The following LRRC4C variants were observed in gnomAD, a reference collection of about 807,000 sequenced individuals.
LRRC4C encodes the protein leucine rich repeat containing 4C, also known as leucine-rich repeat-containing protein 4C.
Under a neutral mutation model 33.6 loss-of-function variants are expected in LRRC4C, and 5 were observed. The observed-to-expected ratio is 0.15, with a 90% confidence interval of 0.08 to 0.31. The LOEUF (loss-of-function observed/expected upper bound fraction) is 0.31. Ranked by LOEUF, LRRC4C falls within the 10% of genes least tolerant of loss-of-function variation. The pLI, the probability that LRRC4C is intolerant of heterozygous loss-of-function variation, is 1.00. For missense variants in LRRC4C, 560 were observed against 796.7 expected, an observed-to-expected ratio of 0.70 and a Z score of 3.58; for synonymous variants, 329 against 302.0, an observed-to-expected ratio of 1.09 and a Z score of -0.93.
chr11:40,430,734 G>A (rs922348347), intron 3 of LRRC4C, among the ~76,000 whole-genome samples: 3 of 151,962 alleles, frequency 2.0e-5, no homozygotes, highest in Non-Finnish European at 2.9e-5. Context: ...TAACTAATAT[G>A]TGATGTTACG....
At chr11:40,453,617 GA>G (rs149112559) in intron 3 of LRRC4C, among the ~76,000 whole-genome samples, 13 of 143,708 alleles carry the variant, frequency 9.0e-5, no homozygotes, top group Non-Finnish European at 1.4e-4. Context: ...GGCATTCTAA[GA>G]AAAAAAAAAC....
At chr11:41,327,300 G>A (rs1951152279) in intron 1 of LRRC4C, among the ~76,000 whole-genome samples, 1 of 152,156 alleles carries the variant, frequency 6.6e-6, no homozygotes, top group Non-Finnish European at 1.5e-5. Context: ...GTGAGCCTTG[G>A]AGGAGCAGCC....
chr11:40,677,006 T>C (rs1199796392), intron 2 of LRRC4C, among the ~76,000 whole-genome samples: 1 of 152,146 alleles, frequency 6.6e-6, no homozygotes, highest in Non-Finnish European at 1.5e-5. Context: ...GCAGATATGA[T>C]CATTGTGGTT....
At chr11:40,491,781 T>C (rs1446372456) in intron 3 of LRRC4C, among the ~76,000 whole-genome samples, 1 of 152,134 alleles carries the variant, frequency 6.6e-6, no homozygotes, top group Non-Finnish European at 1.5e-5. Context: ...AAACTTTACA[T>C]TTTTGTTATA....
At chr11:41,440,097 T>C (rs1955565770) in intron 1 of LRRC4C, among the ~76,000 whole-genome samples, 1 of 152,194 alleles carries the variant, frequency 6.6e-6, no homozygotes, top group Non-Finnish European at 1.5e-5. Context: ...TTTGTTTGTT[T>C]GTTTGTTTTC....
intron 6 of LRRC4C, among the ~76,000 whole-genome samples, chr11:40,131,426 C>G (rs1856636632): frequency 6.6e-6 from 1 of 152,100 alleles, no homozygotes; most frequent in African/African-American, 2.4e-5. Flanking sequence ...AAAAATCTAT[C>G]CTTAGCAGCA....
chr11:41,389,487 A>T (rs1204463263), intron 1 of LRRC4C, among the ~76,000 whole-genome samples: 1 of 151,710 alleles, frequency 6.6e-6, no homozygotes. Context: ...GGTAGGCAAG[A>T]GATATCATGA....
At chr11:40,169,378 C>T (rs1859857475) in intron 5 of LRRC4C, among the ~76,000 whole-genome samples, 1 of 151,954 alleles carries the variant, frequency 6.6e-6, no homozygotes, top group Non-Finnish European at 1.5e-5. Flanking sequence ...AAAACTCAGC[C>T]CAGGGGTTCA....
In LRRC4C at chr11:40,921,525, C is replaced by T. The variant is rs138725445; in HGVS notation, c.-407+12110G>A. Among the ~76,000 whole-genome samples the T allele has an allele frequency of 5.2e-4, 79 of 152,214 alleles. 3 individuals are homozygous for T. The South Asian group carries it at 6.2e-3, about 12-fold the overall frequency. On this transcript the variant is annotated intron_variant, in intron 2 of 6. Transcript: ENST00000528697. ...AGATCACCAAGAAGAGAATGCAGTCCTCTTGACATCTTCAGTTTAGCTCAG... is the reference window on the plus strand; with the variant it reads ...AGATCACCAAGAAGAGAATGCAGTCTTCTTGACATCTTCAGTTTAGCTCAG...
intron 3 of LRRC4C, among the ~76,000 whole-genome samples, chr11:40,554,173 C>T (rs1957239377): frequency 6.6e-6 from 1 of 152,058 alleles, no homozygotes; most frequent in Non-Finnish European, 1.5e-5. Context: ...GCCAGTTTTC[C>T]CAGCACCACC....
chr11:41,296,697 C>A (rs1950154038), intron 1 of LRRC4C, among the ~76,000 whole-genome samples: 1 of 152,110 alleles, frequency 6.6e-6, no homozygotes, highest in Non-Finnish European at 1.5e-5. Flanking sequence ...AGCCAAGAAA[C>A]TAAAGAAAGT....
At chr11:40,450,620 C>CT (rs1951839934) in intron 3 of LRRC4C, among the ~76,000 whole-genome samples, 1 of 151,876 alleles carries the variant, frequency 6.6e-6, no homozygotes, top group African/African-American at 2.4e-5. Flanking sequence ...AAAGCCCAGG[C>CT]TTGGAGCCTG....
intron 2 of LRRC4C, among the ~76,000 whole-genome samples, chr11:40,846,717 G>T (rs961453742): frequency 1.3e-5 from 2 of 152,122 alleles, no homozygotes; most frequent in Non-Finnish European, 2.9e-5. Flanking sequence ...AGCGTGATGG[G>T]AATAGCATTG....
chr11:41,015,827 C>A (rs936984236), intron 1 of LRRC4C, among the ~76,000 whole-genome samples: 8 of 152,040 alleles, frequency 5.3e-5, no homozygotes, highest in African/African-American at 1.7e-4. Context: ...GAGTATCTCT[C>A]CTTTAAAAAC....
At chr11:40,632,575 C>T (rs1963562731) in intron 3 of LRRC4C, among the ~76,000 whole-genome samples, 1 of 152,186 alleles carries the variant, frequency 6.6e-6, no homozygotes, top group African/African-American at 2.4e-5. Flanking sequence ...GATGAGAAGA[C>T]ACTCTGCATT....
chr11:40,399,494 G>T (rs1949675987), intron 3 of LRRC4C, among the ~76,000 whole-genome samples: 1 of 151,908 alleles, frequency 6.6e-6, no homozygotes, highest in South Asian at 2.1e-4. Context: ...GAGAACACAT[G>T]GACACAGGAA....
At chr11:41,217,813 AAT>A (rs148395979) in intron 1 of LRRC4C, among the ~76,000 whole-genome samples, 2,115 of 152,286 alleles carry the variant, frequency 0.014, 34 homozygotes, top group African/African-American at 0.048. Flanking sequence ...TTGATGTAGC[AAT>A]ATTGCACTTC....
chr11:40,423,467 C>A (rs1456387781), intron 3 of LRRC4C, among the ~76,000 whole-genome samples: 2 of 151,284 alleles, frequency 1.3e-5, no homozygotes, highest in African/African-American at 2.4e-5. Context: ...GCCTCAGCCT[C>A]CCGAGCAGCT....
At chr11:41,389,074 A>G (rs986459207) in intron 1 of LRRC4C, among the ~76,000 whole-genome samples, 2 of 151,912 alleles carry the variant, frequency 1.3e-5, no homozygotes, top group African/African-American at 2.4e-5. Flanking sequence ...AAAGTTATCT[A>G]AAAGATACAC....
Sources: allele counts gnomAD v4.1 joint callset (sites outside exome capture counted in the v4.1 genomes callset), GRCh38; gene constraint gnomAD v4.1.1; transcripts MANE v1.5; gene names NCBI Gene and HGNC (gene_info 2026-07-23, HGNC 2026-07-21).